The following CHM variants were observed in gnomAD, a reference collection of about 807,000 sequenced individuals.
CHM encodes rab proteins geranylgeranyltransferase component A 1.
In CHM, 10 loss-of-function variants were observed where a neutral mutation model predicts 49.0. That is an observed-to-expected ratio of 0.20 (90% CI 0.13 to 0.35). CHM has a LOEUF of 0.35. CHM is among the 10% of genes least tolerant of loss of function. CHM has a pLI of 1.00. For missense variants in CHM, 455 were observed against 478.4 expected, an observed-to-expected ratio of 0.95 and a Z score of 0.46; for synonymous variants, 184 against 167.5, an observed-to-expected ratio of 1.10 and a Z score of -0.76.
chrX:85,865,447 T>C (rs1416067877), intron 14 of CHM, among the ~76,000 whole-genome samples: 1 of 112,138 alleles, frequency 8.9e-6, no homozygotes, highest in African/African-American at 3.2e-5. Context: ...AAACCTTTTT[T>C]GTTTACAAAT....
chrX:85,982,679 T>C (rs1931695559), intron 2 of CHM, among the ~76,000 whole-genome samples: 1 of 111,934 alleles, frequency 8.9e-6, no homozygotes, highest in Non-Finnish European at 1.9e-5. Flanking sequence ...AGCCCCCAAG[T>C]ACACTTGATC....
chrX:85,884,710 T>C (rs1924981690), intron 12 of CHM, among the ~76,000 whole-genome samples: 1 of 111,208 alleles, frequency 9.0e-6, no homozygotes, highest in African/African-American at 3.2e-5. Flanking sequence ...CTATGAAAAG[T>C]CATTAAAGAG....
intron 8 of CHM, among the ~76,000 whole-genome samples, chrX:85,949,510 A>C (rs1048278166): frequency 9.0e-6 from 1 of 110,547 alleles, no homozygotes; most frequent in Non-Finnish European, 1.9e-5. Flanking sequence ...GTCTCCTTTG[A>C]ATCAGGCAAT....
chrX:85,920,409 C>A (rs1318821847), intron 8 of CHM, among the ~76,000 whole-genome samples: 1 of 111,687 alleles, frequency 9.0e-6, no homozygotes, highest in Non-Finnish European at 1.9e-5. Flanking sequence ...TAGTGGAAAT[C>A]TTTTGTAAGT....
chrX:85,975,484 A>C (rs1231616854), intron 4 of CHM, among the ~76,000 whole-genome samples: 3 of 112,108 alleles, frequency 2.7e-5, no homozygotes. Context: ...AAATGAACAA[A>C]CTACTGATGT....
chrX:86,011,982 A>G (rs1477981158), intron 2 of CHM, among the ~76,000 whole-genome samples: 1 of 112,179 alleles, frequency 8.9e-6, no homozygotes, highest in East Asian at 2.8e-4. Flanking sequence ...CTCATTTTGA[A>G]CTTCTGACCT....
intron 2 of CHM, among the ~76,000 whole-genome samples, chrX:85,999,737 A>G (rs758294813): frequency 8.9e-6 from 1 of 112,224 alleles, no homozygotes; most frequent in African/African-American, 3.2e-5. Flanking sequence ...GCCTCTGAAA[A>G]AAACTAGAGA....
chrX:85,901,567 A>C, intron 9 of CHM, among the ~76,000 whole-genome samples: 1 of 111,597 alleles, frequency 9.0e-6, no homozygotes, highest in Non-Finnish European at 1.9e-5. Context: ...GCTCTAAGAA[A>C]AGAAAGAGAG....
chrX:85,942,755 C>CT (rs71686003), intron 8 of CHM, among the ~76,000 whole-genome samples: 35 of 101,706 alleles, frequency 3.4e-4, no homozygotes, highest in South Asian at 2.2e-3. Context: ...TCAATGTTTT[C>CT]TTTTTTTTTT....
At chrX:86,030,630 A>G (rs1047736215) in intron 1 of CHM, among the ~76,000 whole-genome samples, 1 of 111,490 alleles carries the variant, frequency 9.0e-6, no homozygotes. Context: ...GATTAAAATA[A>G]TAAGTGTATT....
At chrX:86,021,410 C>G (rs1478656324) in intron 2 of CHM, among the ~76,000 whole-genome samples, 4 of 107,882 alleles carry the variant, frequency 3.7e-5, no homozygotes, top group African/African-American at 1.3e-4. Context: ...AACATTGGTA[C>G]CAATATTATG....
chrX:85,959,346 A>G (rs914909659), intron 5 of CHM, among the ~76,000 whole-genome samples: 1 of 110,088 alleles, frequency 9.1e-6, no homozygotes, highest in Non-Finnish European at 1.9e-5. Flanking sequence ...AACATATAAC[A>G]TATCAGTATA....
chrX:85,972,731 G>A (rs1014826957), intron 4 of CHM, among the ~76,000 whole-genome samples: 10 of 112,182 alleles, frequency 8.9e-5, no homozygotes, highest in Admixed American at 1.9e-4. Flanking sequence ...GTTCCCGCTC[G>A]TGCCTCTCCC....
At chrX:86,027,827 G>A (rs998307279) in intron 1 of CHM, among the ~76,000 whole-genome samples, 1 of 110,369 alleles carries the variant, frequency 9.1e-6, no homozygotes, top group Non-Finnish European at 1.9e-5. Context: ...ACAGTGGCGC[G>A]ATCTCGGCTC....
intron 8 of CHM, among the ~76,000 whole-genome samples, chrX:85,944,474 T>C (rs952764357): frequency 2.7e-5 from 3 of 112,462 alleles, no homozygotes; most frequent in Non-Finnish European, 5.6e-5. Context: ...CATAGTCCTG[T>C]CATCACTGAA....
At chrX:85,935,858 A>T (rs780936891) in intron 8 of CHM, among the ~76,000 whole-genome samples, 4 of 112,492 alleles carry the variant, frequency 3.6e-5, no homozygotes, top group Middle Eastern at 4.6e-3. Context: ...AAAACGAGGA[A>T]GAGTAAAAGC....
intron 1 of CHM, among the ~76,000 whole-genome samples, chrX:86,030,022 T>C (rs1048304527): frequency 8.9e-6 from 1 of 111,951 alleles, no homozygotes; most frequent in African/African-American, 3.2e-5. Context: ...AGATGCCAGC[T>C]CCAATGGTGA....
At chrX:85,953,108 T>C (rs1480245663) in intron 8 of CHM, among the ~76,000 whole-genome samples, 2 of 112,585 alleles carry the variant, frequency 1.8e-5, no homozygotes, top group East Asian at 2.8e-4. Flanking sequence ...ACAAAATTAA[T>C]AGCATTTCTA....
chrX:85,902,744 A>C (rs191959135), intron 9 of CHM, among the ~76,000 whole-genome samples: 23 of 112,022 alleles, frequency 2.1e-4, no homozygotes, highest in Admixed American at 2.0e-3. Context: ...AAACACTCAT[A>C]TACCATTTGA....
Sources: gnomAD v4.1 joint callset for allele counts (sites outside exome capture counted in the v4.1 genomes callset) on GRCh38, gnomAD v4.1.1 for gene constraint, MANE v1.5 for transcripts, NCBI Gene and HGNC (gene_info 2026-07-23, HGNC 2026-07-21) for gene names.